WDR33: variants seen among roughly 807,000 people sequenced by gnomAD.
The protein encoded by WDR33 is WD repeat domain 33.
Under a neutral mutation model 164.9 loss-of-function variants are expected in WDR33, and 47 were observed. That is an observed-to-expected ratio of 0.29 (90% confidence interval 0.23 to 0.36). WDR33 has a LOEUF of 0.36. WDR33 is among the 10% of genes least tolerant of loss of function. The probability of loss-of-function intolerance (pLI) is 1.00; values close to 1 mark genes in which losing one functional copy is unlikely to be tolerated. For missense variants in WDR33, 1,137 were observed against 1,754.1 expected, an observed-to-expected ratio of 0.65 and a Z score of 6.28; for synonymous variants, 505 against 589.0, an observed-to-expected ratio of 0.86 and a Z score of 2.06.
chr2:127,713,802 C>G lies in WDR33; in HGVS notation c.3089G>C (p.Arg1030Pro), dbSNP rs376855126. 1.9e-6 allele frequency: 3 copies of G among 1,614,256 alleles called. No homozygotes were observed. The highest frequency in any genetic ancestry group is 1.7e-5 in the Admixed American group (1 of 60,030). Residue 1030 changes from arginine to proline, a missense_variant, in exon 18 of 22, where the codon CGT (arginine) becomes CCT (proline). Arg to Pro is a moderately radical substitution (Grantham distance 103). This residue lies in a region of WDR33 where 867 missense variants were observed against 1,073.0 expected (regional missense o/e 0.81). Coordinates refer to ENST00000322313, the MANE Select transcript of WDR33 (RefSeq NM_018383.5). The surrounding 1 kb of genome is among the most constrained non-coding windows in gnomAD (Gnocchi z 6.2). The part of the protein sequence containing the change: ...HPDKRFGHRL[R>P]EFEGRGGPLP... ...AGGTCCTCCTCGCCCCTCAAATTCA[C>G]GTAACCGGTGGCCAAAGCGCTTGTC...
Position 127,720,236 on chromosome 2 carries a change from T to A in WDR33, c.1789A>T (p.Ile597Phe). 1 of 1,589,932 alleles carries A rather than the reference T, an allele frequency of 6.3e-7. No individual in the cohort carries two copies. Among genetic ancestry groups the A allele is most frequent in the Non-Finnish European group, 8.6e-7 (1 of 1,167,356 alleles). Residue 597 changes from isoleucine to phenylalanine, a missense_variant, in exon 16 of 22, where the codon ATT (isoleucine) becomes TTT (phenylalanine). Transcript: ENST00000322313. The surrounding 1 kb of genome is among the most constrained non-coding windows in gnomAD (Gnocchi z 5.9). ...TGGGGCTGTTGAAAACCTTGAGGAATCTGAGACATTGGACCTTGTCCTGGA... is the reference window on the plus strand; with the variant it reads ...TGGGGCTGTTGAAAACCTTGAGGAAACTGAGACATTGGACCTTGTCCTGGA... The part of the protein sequence containing the change: ...PFPGQGPMSQ[I>F]PQGFQQPHPS...
At chr2:127,792,430 G>A (rs529519505) in intron 1 of WDR33, among the ~76,000 whole-genome samples, 28 of 151,904 alleles carry the variant, frequency 1.8e-4, no homozygotes, top group Non-Finnish European at 3.7e-4. Context: ...GGAGGCTGAG[G>A]CGGGCAGATC....
In WDR33 at chr2:127,716,921, G is replaced by A. The variant is rs879161935; in HGVS notation, c.2869+234C>T. Among the ~76,000 whole-genome samples, 6 of 152,238 alleles carry A rather than the reference G, an allele frequency of 3.9e-5. No individual in the cohort carries two copies. The highest frequency in any genetic ancestry group is 8.8e-5 in the Non-Finnish European group (6 of 68,042). ...CAAGGCCAGCCTGCCACACAGGCAC[G>A]ACTGCTGGAGCCTGTGCGGGTGCCT... On this transcript the variant is annotated intron_variant, in intron 17 of 21. Transcript: ENST00000322313. This position sits in a 1 kb window ranked among gnomAD's most constrained non-coding sequence, Gnocchi z 4.5.
intron 1 of WDR33, among the ~76,000 whole-genome samples, chr2:127,810,480 C>A (rs972270893): frequency 3.9e-5 from 6 of 152,188 alleles, no homozygotes; most frequent in African/African-American, 1.4e-4. Context: ...AAACAGGGAT[C>A]TAGCACAAAC....
At chr2:127,772,793 C>T (rs1265756175) in intron 1 of WDR33, among the ~76,000 whole-genome samples, 2 of 152,006 alleles carry the variant, frequency 1.3e-5, no homozygotes, top group African/African-American at 4.8e-5. Context: ...GCCAATAATA[C>T]AAATATGCAT....
intron 4 of WDR33, among the ~76,000 whole-genome samples, chr2:127,766,768 A>G (rs1468220828): frequency 1.3e-5 from 2 of 148,306 alleles, no homozygotes; most frequent in African/African-American, 5.1e-5. Context: ...TCACATAACA[A>G]TGTTTCTTTT....
Position 127,701,398 on chromosome 2 carries a change from C to A in WDR33, c.*4925G>T, listed in dbSNP as rs976344263. On this transcript the variant is annotated 3_prime_UTR_variant, in exon 22 of 22. Coordinates refer to ENST00000322313, the MANE Select transcript of WDR33 (RefSeq NM_018383.5). ...AAAGTCCGCAGAGCAGGCACCGCGG[C>A]ACTTCCGCGAGCGCCGCAGGCCCTG... is the stretch of plus-strand genomic sequence containing the variant. The A allele has an allele frequency of 2.2e-6, 2 of 909,808 alleles. No individual in the cohort carries two copies. Among genetic ancestry groups the A allele is most frequent in the Non-Finnish European group, 2.9e-6 (2 of 697,894 alleles). The allele number at this position is 909,808 out of a possible 1,614,324, so 56.4% of individuals were successfully genotyped here.
At chr2:127,808,682 G>A (rs537846412) in intron 1 of WDR33, among the ~76,000 whole-genome samples, 2 of 151,664 alleles carry the variant, frequency 1.3e-5, no homozygotes, top group South Asian at 2.1e-4. Context: ...ATCATTTGAG[G>A]TCAGGAGTTT....
At position 127,701,621 on chromosome 2, in the gene WDR33, G is replaced by T; in HGVS notation, c.*4702C>A. 6 of 1,338,324 alleles carry T rather than the reference G, an allele frequency of 4.5e-6. No homozygotes were observed. Among genetic ancestry groups the T allele is most frequent in the Non-Finnish European group, 5.7e-6 (6 of 1,046,896 alleles). 82.9% of individuals were successfully genotyped at this position (1,338,324 alleles called of 1,614,324 possible). On this transcript the variant is annotated 3_prime_UTR_variant, in exon 22 of 22. Coordinates refer to ENST00000322313, the MANE Select transcript of WDR33 (RefSeq NM_018383.5). Reference sequence around the variant, plus strand: ...CGGAGCCGCTGCTCGCCGCGGAGAAGGCGGAGGAGCCCGGGGACCGGCCGG... The same window carrying T: ...CGGAGCCGCTGCTCGCCGCGGAGAATGCGGAGGAGCCCGGGGACCGGCCGG...
At chr2:127,711,780 A>ATATTTTTTTTTTT in intron 18 of WDR33, among the ~76,000 whole-genome samples, 3 of 88,308 alleles carry the variant, frequency 3.4e-5, no homozygotes, top group African/African-American at 1.3e-4. Context: ...ATATATATAT[A>ATATTTTTTTTTTT]TTTTTTTTTT....
In WDR33 at chr2:127,764,268, C is replaced by A; in HGVS notation, c.626+560G>T. 1.6e-6 allele frequency: 2 copies of A among 1,243,630 alleles called. No individual in the cohort carries two copies. Among genetic ancestry groups the A allele is most frequent in the Non-Finnish European group, 2.0e-6 (2 of 991,590 alleles). The allele number at this position is 1,243,630 out of a possible 1,614,324, so 77.0% of individuals were successfully genotyped here. On this transcript the variant is annotated intron_variant, in intron 6 of 21. Transcript: ENST00000322313. This position sits in a 1 kb window ranked among gnomAD's most constrained non-coding sequence, Gnocchi z 6.2. ...CTAGAGTCTTCTTGACAATGATCTGCTTACAGCTGCAAAGCTTGAAGAACC... is the reference window on the plus strand; with the variant it reads ...CTAGAGTCTTCTTGACAATGATCTGATTACAGCTGCAAAGCTTGAAGAACC...
chr2:127,808,910 G>A (rs1380487211), intron 1 of WDR33, among the ~76,000 whole-genome samples: 1 of 151,836 alleles, frequency 6.6e-6, no homozygotes, highest in African/African-American at 2.4e-5. Context: ...GGCGCCTATA[G>A]TCCCAGCTAC....
Position 127,706,655 on chromosome 2 carries a change from G to T in WDR33, c.3782-103C>A, listed in dbSNP as rs1307312993. 5.6e-6 allele frequency: 6 copies of T among 1,073,952 alleles called. No homozygotes were observed. The African/African-American group carries it at 8.0e-5, about 14-fold the overall frequency. 66.5% of individuals were successfully genotyped at this position (1,073,952 alleles called of 1,614,324 possible). On this transcript the variant is annotated intron_variant, in intron 21 of 21. Coordinates refer to ENST00000322313, the MANE Select transcript of WDR33 (RefSeq NM_018383.5). The surrounding 1 kb of genome is among the most constrained non-coding windows in gnomAD (Gnocchi z 5.1). ...CTCTGATGACAATGGACCAGTTCTG[G>T]TGGGTGCCAGGGAGACTGGCAGTGG... is the stretch of plus-strand genomic sequence containing the variant.
At position 127,709,614 on chromosome 2, in the gene WDR33, G is replaced by A; in HGVS notation, c.3473-32C>T. The stretch of plus-strand genomic sequence containing the variant: ...AACAGAGCAAACAATGCTGCACTCA[G>A]ACTGTTCCTGGTGTATTCACAACCA... On this transcript the variant is annotated intron_variant, in intron 19 of 21. Coordinates refer to ENST00000322313, the MANE Select transcript of WDR33 (RefSeq NM_018383.5). The surrounding 1 kb of genome is among the most constrained non-coding windows in gnomAD (Gnocchi z 5.0). 6.2e-7 allele frequency: 1 copy of A among 1,611,996 alleles called. No homozygotes were observed. Among genetic ancestry groups the A allele is most frequent in the South Asian group, 1.1e-5 (1 of 91,062 alleles).
Position 127,713,585 on chromosome 2 carries a change from T to C in WDR33, c.3306A>G (p.Glu1102=). ...EDPRFRGRRE[E]SFRRGAPPRH... is the part of the protein sequence containing the mutation. ...GGCCCACAAAGTATCTGTCCCACCT[T>C]TCTTCTCTGCGCCCTCGAAAACGTG... Residue 1102 remains glutamate (E), a splice_region_variant and synonymous_variant, in exon 18 of 22, where the codon GAA becomes GAG. Coordinates refer to ENST00000322313, the MANE Select transcript of WDR33 (RefSeq NM_018383.5). This position sits in a 1 kb window ranked among gnomAD's most constrained non-coding sequence, Gnocchi z 6.2. 2 of 1,614,190 alleles carry C rather than the reference T, an allele frequency of 1.2e-6. No individual in the cohort carries two copies. The highest frequency in any genetic ancestry group is 1.7e-6 in the Non-Finnish European group (2 of 1,180,026).
intron 7 of WDR33, among the ~76,000 whole-genome samples, chr2:127,758,066 T>A (rs2105425839): frequency 6.6e-6 from 1 of 152,348 alleles, no homozygotes. Context: ...ACTGCTTATG[T>A]CCATGTTCTA....
At chr2:127,793,571 T>C (rs940968140) in intron 1 of WDR33, among the ~76,000 whole-genome samples, 1 of 151,582 alleles carries the variant, frequency 6.6e-6, no homozygotes, top group African/African-American at 2.4e-5. Context: ...TGAGATCCCA[T>C]CTCTACAAAA....
Position 127,722,453 on chromosome 2 carries a change from C to T in WDR33, c.1518+138G>A. 8.3e-7 allele frequency: 1 copy of T among 1,210,586 alleles called. No individual in the cohort carries two copies. The highest frequency in any genetic ancestry group is 1.1e-6 in the Non-Finnish European group (1 of 869,604). 75.0% of individuals were successfully genotyped at this position (1,210,586 alleles called of 1,614,324 possible). ...ACAACTGCAAAGCAGTAGATGAGAA[C>T]CATGTCTAAGAGTACGTGAACATGG... On this transcript the variant is annotated intron_variant, in intron 14 of 21. Transcript: ENST00000322313. This position sits in a 1 kb window ranked among gnomAD's most constrained non-coding sequence, Gnocchi z 5.1.
intron 1 of WDR33, among the ~76,000 whole-genome samples, chr2:127,804,188 GCGGGCGCCTGTAGTCCCAGCTACT>G (rs1689354832): frequency 6.6e-6 from 1 of 152,068 alleles, no homozygotes; most frequent in African/African-American, 2.4e-5. Context: ...AGGCATGGTG[GCGGGCGCCTGTAGTCCCAGCTACT>G]CGGGAGGTTG....
Sources: gnomAD v4.1 joint callset for allele counts (sites outside exome capture counted in the v4.1 genomes callset) on GRCh38, gnomAD v4.1.1 for gene constraint, gnomAD v4.1.1 regional missense constraint, Gnocchi (gnomAD v3.1) non-coding constraint, MANE v1.5 for transcripts, NCBI Gene and HGNC (gene_info 2026-07-23, HGNC 2026-07-21) for gene names.